Variants in CYREN observed in about 807,000 individuals in gnomAD.
The protein encoded by CYREN is cell cycle regulator of non-homologous end joining.
A neutral mutation model predicts 9.7 loss-of-function variants in CYREN; 7 were observed. The observed-to-expected ratio is 0.72, with a 90% confidence interval of 0.41 to 1.36. The LOEUF is 1.36. CYREN is among the 40% of genes most tolerant of loss of function. The pLI is 0.01. For missense variants in CYREN, 215 were observed against 198.1 expected (o/e 1.09, Z -0.51); for synonymous variants, 76 against 77.9 (o/e 0.98, Z 0.13).
chr7:135,109,896 T>TA (rs1358968102), intron 2 of CYREN, among the ~76,000 whole-genome samples: 1 of 152,216 alleles, frequency 6.6e-6, no homozygotes, highest in Non-Finnish European at 1.5e-5. Flanking sequence ...GGAAGCTCTA[T>TA]ACCAGGGAGG....
exon 3 of CYREN, chr7:135,094,162 T>C: frequency 3.0e-6 from 1 of 338,630 alleles, no homozygotes; most frequent in South Asian, 2.3e-5. Context: ...ATAGACTTAC[T>C]ATTTAAACAG....
rs1292033663 is a variant in CYREN, at chr7:135,128,470, G to A, written n.357-33888C>T. On this transcript the variant is annotated intron_variant and non_coding_transcript_variant, in intron 2 of 2. Transcript: ENST00000459937. ...GTCAGAAGACCAAGAAGCTCAAGAG[G>A]ATGAATTGCTGGCCCCAGTGAGTAT... 5 of 749,742 alleles carry A rather than the reference G, an allele frequency of 6.7e-6. No individual in the cohort carries two copies. In the African/African-American group the frequency reaches 6.9e-5, roughly 10 times the overall value. 46.4% of individuals were successfully genotyped at this position (749,742 alleles called of 1,614,324 possible). A position where few individuals can be genotyped will look rare whatever the true frequency, so the allele number is the denominator to read the frequency against.
At chr7:135,152,728 T>G (rs1829694701) in intron 2 of CYREN, 1 of 152,240 alleles carries the variant, frequency 6.6e-6, no homozygotes, top group Non-Finnish European at 1.5e-5. Flanking sequence ...CCTTTGGCTT[T>G]CTGAAATCAT....
In CYREN at chr7:135,112,053, T is replaced by C. The variant is rs570437517; in HGVS notation, n.357-17471A>G. On this transcript the variant is annotated intron_variant and non_coding_transcript_variant, in intron 2 of 2. Coordinates refer to the CYREN transcript ENST00000459937. The stretch of plus-strand genomic sequence containing the variant: ...ATCTAAGTAATAAACCCAAGACTTA[T>C]CCTAATGTTGTACACTTCTGTTTTT... Among the ~76,000 whole-genome samples, 40 of 152,342 alleles carry C rather than the reference T, an allele frequency of 2.6e-4. 1 individual carries two copies. The highest frequency in any genetic ancestry group is 6.8e-3 in the Middle Eastern group (2 of 294).
intron 2 of CYREN, among the ~76,000 whole-genome samples, chr7:135,096,727 A>AAG (rs1822884910): frequency 7.4e-6 from 1 of 135,092 alleles, no homozygotes; most frequent in Non-Finnish European, 1.6e-5. Context: ...AAAGAGAAGA[A>AAG]AGAAAGAGAA....
rs1830163078 is a variant in CYREN, at chr7:135,166,692, G to A, written c.393C>T (p.Ser131=). ...CAGGGCTCCTGCTACAGGCAGAGCT[G>A]GAACCCCCCGGCCTCTGGGAAGGGC... ...GLSPSQRPGG[S]SSACSRSPEE... Residue 131 remains serine, a synonymous_variant, in exon 4 of 4, where the codon TCC becomes TCT. Transcript: ENST00000393114. 1.2e-6 allele frequency: 2 copies of A among 1,612,466 alleles called. No individual in the cohort carries two copies. Among genetic ancestry groups the A allele is most frequent in the African/African-American group, 2.7e-5 (2 of 74,936 alleles).
At chr7:135,164,783 G>C, downstream of CYREN, 2 of 1,614,184 alleles carry the variant, frequency 1.2e-6, no homozygotes, top group South Asian at 2.2e-5. Context: ...GAGCGTGGCG[G>C]CTGGCAGTGG....
chr7:135,149,670 AT>A (rs1829623579), intron 2 of CYREN, among the ~76,000 whole-genome samples: 1 of 152,164 alleles, frequency 6.6e-6, no homozygotes, highest in Non-Finnish European at 1.5e-5. Flanking sequence ...GTTTAACCAT[AT>A]TTTTGGTATC....
At chr7:135,168,395 T>C in intron 2 of CYREN, 1 of 196,762 alleles carries the variant, frequency 5.1e-6, no homozygotes, top group Non-Finnish European at 1.0e-5. Context: ...TGTCCATCCC[T>C]AAAGGTCTGT....
intron 2 of CYREN, among the ~76,000 whole-genome samples, chr7:135,138,302 T>C (rs542797588): frequency 5.3e-5 from 8 of 152,128 alleles, no homozygotes; most frequent in Admixed American, 3.3e-4. Flanking sequence ...TTTTTCTTAA[T>C]TACCTAACAG....
intron 2 of CYREN, among the ~76,000 whole-genome samples, chr7:135,116,165 C>T (rs2348277): frequency 0.93 from 141,386 of 152,274 alleles, 66,465 homozygotes; most frequent in Non-Finnish European, 1. Context: ...TGCTACACAC[C>T]GTTCTAAGTT....
intron 2 of CYREN, among the ~76,000 whole-genome samples, chr7:135,142,317 C>T (rs1829467129): frequency 6.6e-6 from 1 of 152,038 alleles, no homozygotes; most frequent in Non-Finnish European, 1.5e-5. Context: ...TATATTTGCC[C>T]TTCCTTATGA....
chr7:135,154,501 C>A (rs1829739374), intron 2 of CYREN, among the ~76,000 whole-genome samples: 1 of 151,970 alleles, frequency 6.6e-6, no homozygotes, highest in African/African-American at 2.4e-5. Flanking sequence ...ATGCTATAAA[C>A]TTCCCTCTTA....
intron 2 of CYREN, chr7:135,115,668 C>G: frequency 7.5e-7 from 1 of 1,338,602 alleles, no homozygotes; most frequent in Non-Finnish European, 1.0e-6. Context: ...TTTAAAAAAG[C>G]AGGGCTTATT....
At position 135,109,768 on chromosome 7, in the gene CYREN, C is replaced by T. The variant is rs1825343658; in HGVS notation, n.357-15186G>A. 2.0e-5 allele frequency among the ~76,000 whole-genome samples: 3 copies of T among 152,210 alleles called. No homozygotes were observed. The South Asian group carries it at 6.2e-4, about 31-fold the overall frequency. ...GCAGTCTGACCACTTTTATGGAGAG[C>T]TGCTGTGCTGCGCCAGGGGACCACT... On this transcript the variant is annotated intron_variant and non_coding_transcript_variant, in intron 2 of 2. Coordinates refer to the CYREN transcript ENST00000459937.
At chr7:135,110,609 C>T (rs897627787) in intron 2 of CYREN, among the ~76,000 whole-genome samples, 4 of 152,112 alleles carry the variant, frequency 2.6e-5, no homozygotes, top group Admixed American at 1.3e-4. Context: ...GGCTCTGTGT[C>T]GCTCCTGGGT....
At chr7:135,126,570 C>T (rs749981936) in intron 2 of CYREN, among the ~76,000 whole-genome samples, 6 of 152,194 alleles carry the variant, frequency 3.9e-5, no homozygotes, top group Non-Finnish European at 8.8e-5. Context: ...AAGAAAACCC[C>T]GAATAGCCAA....
chr7:135,128,291 CAAAAAAAAAAAAAAAAAAA>C lies in CYREN; in HGVS notation n.357-33728_357-33710del, dbSNP rs61217008. The stretch of plus-strand genomic sequence containing the variant: ...TGGGCAACAGAGTGAGACTCCATCT[CAAAAAAAAAAAAAAAAAAA>C]AAAAAAAAACGAAAAAAAAAAACAA... On this transcript the variant is annotated intron_variant and non_coding_transcript_variant, in intron 2 of 2. Coordinates refer to the CYREN transcript ENST00000459937. Among the ~76,000 whole-genome samples, 4 of 58,070 alleles carry C rather than the reference CAAAAAAAAAAAAAAAAAAA, an allele frequency of 6.9e-5. No homozygotes were observed. The Admixed American group carries it at 1.3e-3, about 19-fold the overall frequency. 38.1% of individuals were successfully genotyped at this position (58,070 alleles called of 152,430 possible). A position where few individuals can be genotyped will look rare whatever the true frequency, so the allele number is the denominator to read the frequency against.
At chr7:135,115,780 T>G in intron 2 of CYREN, 2 of 564,874 alleles carry the variant, frequency 3.5e-6, no homozygotes, top group East Asian at 5.8e-5. Flanking sequence ...AAACACTGGA[T>G]AAATGAAGGA....
Sources: gnomAD v4.1 joint callset for allele counts (sites outside exome capture counted in the v4.1 genomes callset) on GRCh38, gnomAD v4.1.1 for gene constraint, MANE v1.5 for transcripts, NCBI Gene and HGNC (gene_info 2026-07-23, HGNC 2026-07-21) for gene names.